PDE4D: variants seen among roughly 807,000 people sequenced by gnomAD.
PDE4D encodes the protein 3',5'-cyclic-AMP phosphodiesterase 4D.
In PDE4D, 24 loss-of-function variants were observed where a neutral mutation model predicts 87.4. The observed-to-expected ratio is 0.27, with a 90% CI of 0.20 to 0.39. The LOEUF is 0.39. Ranked by LOEUF, PDE4D falls within the 10% of genes least tolerant of loss-of-function variation. The pLI is 1.00. For synonymous variants in PDE4D, 384 were observed against 383.2 expected (o/e 1.00, Z -0.02); for missense variants, 714 against 1,041.0 (o/e 0.69, Z 4.32).
chr5:59,509,615 C>G (rs2153667982), intron 1 of PDE4D, among the ~76,000 whole-genome samples: 1 of 151,020 alleles, frequency 6.6e-6, no homozygotes, highest in South Asian at 2.1e-4. Context: ...TTAACTTCAG[C>G]CTTAAGTTAC....
At chr5:59,298,283 T>G (rs933579875) in intron 1 of PDE4D, among the ~76,000 whole-genome samples, 4 of 151,870 alleles carry the variant, frequency 2.6e-5, no homozygotes, top group Non-Finnish European at 4.4e-5. Flanking sequence ...ACCAGGCTAA[T>G]TTTTGTATTT....
Position 60,136,375 on chromosome 5 carries a change from G to A in PDE4D, c.42+49182C>T, listed in dbSNP as rs528544807. On this transcript the variant is annotated intron_variant, in intron 2 of 16. Transcript: ENST00000502484. ...TCTGTTGTCCAGGCTGGAGTGCACT[G>A]GCATGATCTCAGCTCACTGCAACCT... is the stretch of plus-strand genomic sequence containing the variant. Among the ~76,000 whole-genome samples, 9 of 151,644 alleles carry A rather than the reference G, an allele frequency of 5.9e-5. No homozygotes were observed. The South Asian group carries it at 1.0e-3, about 18-fold the overall frequency.
At chr5:59,469,714 A>G (rs1802147658) in intron 1 of PDE4D, among the ~76,000 whole-genome samples, 1 of 152,228 alleles carries the variant, frequency 6.6e-6, no homozygotes, top group Non-Finnish European at 1.5e-5. Flanking sequence ...GCAAGAGCTA[A>G]CAAAAGAAAG....
chr5:59,406,122 G>A (rs1195082579), intron 1 of PDE4D, among the ~76,000 whole-genome samples: 1 of 152,000 alleles, frequency 6.6e-6, no homozygotes, highest in Non-Finnish European at 1.5e-5. Flanking sequence ...TTCTTTAAAT[G>A]TTTGGCAAAA....
intron 1 of PDE4D, among the ~76,000 whole-genome samples, chr5:60,191,990 A>G (rs1316098012): frequency 6.6e-6 from 1 of 152,036 alleles, no homozygotes; most frequent in Non-Finnish European, 1.5e-5. Flanking sequence ...GCAGAGTGAG[A>G]CTCCATCTCA....
At chr5:59,035,596 C>G (rs184682094) in intron 6 of PDE4D, among the ~76,000 whole-genome samples, 35 of 152,270 alleles carry the variant, frequency 2.3e-4, no homozygotes, top group African/African-American at 7.7e-4. Context: ...TTAGCTAGCT[C>G]TTTTGTATAT....
chr5:59,705,362 G>C (rs1220955399), intron 1 of PDE4D, among the ~76,000 whole-genome samples: 1 of 152,064 alleles, frequency 6.6e-6, no homozygotes, highest in Non-Finnish European at 1.5e-5. Context: ...AACTGAGGAA[G>C]ACACAAACCC....
intron 1 of PDE4D, among the ~76,000 whole-genome samples, chr5:60,496,892 GT>G (rs1749838784): frequency 6.6e-6 from 1 of 152,094 alleles, no homozygotes; most frequent in Admixed American, 6.5e-5. Context: ...TTCATAACCT[GT>G]TTTGTACCAT....
At chr5:60,439,651 T>C (rs1326510727) in intron 1 of PDE4D, among the ~76,000 whole-genome samples, 1 of 152,142 alleles carries the variant, frequency 6.6e-6, no homozygotes, top group East Asian at 1.9e-4. Flanking sequence ...AATTGCTTTC[T>C]TTCTTTTCCC....
chr5:60,227,420 T>C (rs1745244995), intron 1 of PDE4D, among the ~76,000 whole-genome samples: 1 of 151,966 alleles, frequency 6.6e-6, no homozygotes, highest in African/African-American at 2.4e-5. Context: ...TTTTGTTCAT[T>C]GATAGATCCT....
At chr5:60,323,847 G>A (rs1439423954) in intron 1 of PDE4D, among the ~76,000 whole-genome samples, 5 of 151,446 alleles carry the variant, frequency 3.3e-5, no homozygotes, top group Non-Finnish European at 5.9e-5. Flanking sequence ...TCTGCTACAG[G>A]GTTTTGTCTC....
Position 59,423,313 on chromosome 5 carries a change from T to C in PDE4D, c.456-207345A>G, listed in dbSNP as rs1360308034. Among the ~76,000 whole-genome samples the C allele has an allele frequency of 2.0e-5, 3 of 152,250 alleles. No homozygotes were observed. The East Asian group carries it at 5.8e-4, about 29-fold the overall frequency. On this transcript the variant is annotated intron_variant, in intron 1 of 14. Coordinates refer to ENST00000340635, the MANE Select transcript of PDE4D (RefSeq NM_001104631.2). ...CTCTCACTGGGTCCTTGTTTCCTTT[T>C]GAGCAGTTCTCACAATTGTAATCAC... is the stretch of plus-strand genomic sequence containing the variant.
chr5:59,813,506 C>T (rs1296923964), intron 1 of PDE4D, among the ~76,000 whole-genome samples: 1 of 151,822 alleles, frequency 6.6e-6, no homozygotes, highest in African/African-American at 2.4e-5. Flanking sequence ...GGTTACCTTT[C>T]CCCCGGGGAA....
At position 59,078,516 on chromosome 5, in the gene PDE4D, T is replaced by A. The variant is rs558868818; in HGVS notation, c.809-39545A>T. Reference sequence around the variant, plus strand: ...GTATTAAGAGGTAGGACTCTTTTTTTTTTTTTTTTGGTGACAGGGTCTCAC... The same window carrying A: ...GTATTAAGAGGTAGGACTCTTTTTTATTTTTTTTTGGTGACAGGGTCTCAC... On this transcript the variant is annotated intron_variant, in intron 5 of 14. Transcript: ENST00000340635. Among the ~76,000 whole-genome samples, 95 of 151,734 alleles carry A rather than the reference T, an allele frequency of 6.3e-4. 1 individual carries two copies. The highest frequency in any genetic ancestry group is 1.2e-3 in the Admixed American group (18 of 15,250).
intron 1 of PDE4D, among the ~76,000 whole-genome samples, chr5:59,407,957 GC>G (rs1182403394): frequency 2.0e-5 from 3 of 152,228 alleles, no homozygotes; most frequent in Non-Finnish European, 4.4e-5. Flanking sequence ...TGGAAAATTT[GC>G]AACCTAGCTA....
At chr5:60,499,758 C>T (rs575055208) in intron 1 of PDE4D, among the ~76,000 whole-genome samples, 100 of 152,064 alleles carry the variant, frequency 6.6e-4, no homozygotes, top group Non-Finnish European at 1.1e-3. Context: ...CAACAAAGAG[C>T]GAGACAGGGA....
At chr5:59,396,949 C>A (rs1789539915) in intron 1 of PDE4D, among the ~76,000 whole-genome samples, 1 of 116,836 alleles carries the variant, frequency 8.6e-6, no homozygotes, top group Admixed American at 8.4e-5. Context: ...TCTGATAAAA[C>A]AGACTTTAAA....
At chr5:60,497,838 T>A (rs1749889170) in intron 1 of PDE4D, among the ~76,000 whole-genome samples, 2 of 152,190 alleles carry the variant, frequency 1.3e-5, no homozygotes, top group Admixed American at 1.3e-4. Flanking sequence ...TCTGCAAAGC[T>A]GATGTGCTGG....
intron 8 of PDE4D, among the ~76,000 whole-genome samples, chr5:58,991,252 G>A (rs190561928): frequency 1.1e-3 from 167 of 152,122 alleles, no homozygotes; most frequent in Admixed American, 2.7e-3. Flanking sequence ...ACTGCATTCT[G>A]CAATCCAACC....
Sources: allele counts gnomAD v4.1 joint callset (sites outside exome capture counted in the v4.1 genomes callset), GRCh38; gene constraint gnomAD v4.1.1; transcripts MANE v1.5; gene names NCBI Gene and HGNC (gene_info 2026-07-23, HGNC 2026-07-21).